The following TRIM44 variants were observed in gnomAD, a reference collection of about 807,000 sequenced individuals.
The protein encoded by TRIM44 is tripartite motif containing 44.
In TRIM44, 13 loss-of-function variants were observed where a neutral mutation model predicts 37.4. The ratio of observed to expected loss-of-function variants is 0.35; its 90% CI spans 0.23 to 0.55. TRIM44 has a LOEUF of 0.55. TRIM44 is among the 20% of genes least tolerant of loss of function. The pLI, the probability that TRIM44 is intolerant of heterozygous loss-of-function variation, is 0.89. For missense variants in TRIM44, 426 were observed against 437.2 expected (o/e 0.97, Z 0.23); for synonymous variants, 175 against 157.2 (o/e 1.11, Z -0.85).
At chr11:35,689,170 G>C (rs1299211445) in intron 2 of TRIM44, among the ~76,000 whole-genome samples, 2 of 152,174 alleles carry the variant, frequency 1.3e-5, no homozygotes, top group Admixed American at 6.5e-5. Flanking sequence ...TCGGGATTTA[G>C]GAGGATGATC....
At chr11:35,675,044 G>A (rs1350251993) in intron 1 of TRIM44, among the ~76,000 whole-genome samples, 6 of 152,168 alleles carry the variant, frequency 3.9e-5, no homozygotes, top group South Asian at 2.1e-4. Flanking sequence ...ACTAAATACT[G>A]TGTACTATGT....
chr11:35,669,617 A>G lies in TRIM44; in HGVS notation c.669+5837A>G, dbSNP rs577628904. ...CAGCCTCCTGAGTAGCTGGAACTGC[A>G]GGCGCCCACCACCATGCCCAGCTAA... On this transcript the variant is annotated intron_variant, in intron 1 of 4. Transcript: ENST00000299413. Among the ~76,000 whole-genome samples, 14 of 152,076 alleles carry G rather than the reference A, an allele frequency of 9.2e-5. No individual in the cohort carries two copies. The East Asian group carries it at 2.7e-3, about 29-fold the overall frequency.
At position 35,725,905 on chromosome 11, in the gene TRIM44, A is replaced by C; in HGVS notation, c.748-19A>C. 6.2e-7 allele frequency: 1 copy of C among 1,611,062 alleles called. No individual in the cohort carries two copies. Among genetic ancestry groups the C allele is most frequent in the Non-Finnish European group, 8.5e-7 (1 of 1,177,988 alleles). On this transcript the variant is annotated intron_variant, in intron 2 of 4. Coordinates refer to ENST00000299413, the MANE Select transcript of TRIM44 (RefSeq NM_017583.6). ...TTTGTATGTTCAACTTATTCTTCTTATTTGTCTCTGTTCTAAAGGTAACTC... is the reference window on the plus strand; with the variant it reads ...TTTGTATGTTCAACTTATTCTTCTTCTTTGTCTCTGTTCTAAAGGTAACTC...
At chr11:35,678,431 G>A (rs887886518) in intron 1 of TRIM44, among the ~76,000 whole-genome samples, 5 of 152,108 alleles carry the variant, frequency 3.3e-5, no homozygotes, top group African/African-American at 1.2e-4. Flanking sequence ...AAAAGTGATG[G>A]CCTAGTGTAG....
At chr11:35,770,602 G>A (rs563730003) in intron 4 of TRIM44, among the ~76,000 whole-genome samples, 8 of 152,038 alleles carry the variant, frequency 5.3e-5, no homozygotes, top group Non-Finnish European at 1.2e-4. Flanking sequence ...GGTGTGAGAT[G>A]GTATCTCATT....
intron 4 of TRIM44, among the ~76,000 whole-genome samples, chr11:35,754,647 C>A (rs1852605727): frequency 7.9e-6 from 1 of 127,298 alleles, no homozygotes; most frequent in Admixed American, 8.3e-5. Context: ...TAATGCTATC[C>A]CTCCCCCTCC....
intron 2 of TRIM44, among the ~76,000 whole-genome samples, chr11:35,696,891 GCAAA>G (rs1322929720): frequency 1.3e-5 from 2 of 151,476 alleles, no homozygotes; most frequent in East Asian, 3.9e-4. Flanking sequence ...TAAATAAAAG[GCAAA>G]CAAAAATGTT....
chr11:35,672,119 A>G (rs1300687386), intron 1 of TRIM44, among the ~76,000 whole-genome samples: 1 of 152,202 alleles, frequency 6.6e-6, no homozygotes, highest in Non-Finnish European at 1.5e-5. Context: ...TATGTTGAAC[A>G]ATAAAAGTGC....
chr11:35,702,630 T>C (rs1176710250), intron 2 of TRIM44, among the ~76,000 whole-genome samples: 1 of 152,226 alleles, frequency 6.6e-6, no homozygotes, highest in East Asian at 1.9e-4. Flanking sequence ...CCATGCATAT[T>C]GTAGATGGCA....
intron 4 of TRIM44, among the ~76,000 whole-genome samples, chr11:35,803,249 C>T (rs1029726758): frequency 3.3e-5 from 5 of 149,624 alleles, no homozygotes; most frequent in Admixed American, 6.7e-5. Context: ...AACGTGCTGT[C>T]TGCCTAACAC....
intron 4 of TRIM44, among the ~76,000 whole-genome samples, chr11:35,797,856 A>C (rs1330709682): frequency 6.6e-6 from 1 of 152,196 alleles, no homozygotes; most frequent in Admixed American, 6.5e-5. Context: ...AACTAAGGAA[A>C]TCTCAAAATA....
At chr11:35,782,809 G>T (rs568008159) in intron 4 of TRIM44, among the ~76,000 whole-genome samples, 1 of 152,264 alleles carries the variant, frequency 6.6e-6, no homozygotes, top group Admixed American at 6.5e-5. Flanking sequence ...CTCTTCTCCG[G>T]AGTAGAAGTT....
intron 2 of TRIM44, among the ~76,000 whole-genome samples, chr11:35,714,182 G>C (rs1373470124): frequency 6.6e-6 from 1 of 152,122 alleles, no homozygotes; most frequent in African/African-American, 2.4e-5. Flanking sequence ...GAGCTCAGTA[G>C]ATACCATATG....
At chr11:35,772,025 G>A (rs1852879847) in intron 4 of TRIM44, among the ~76,000 whole-genome samples, 1 of 152,162 alleles carries the variant, frequency 6.6e-6, no homozygotes, top group Admixed American at 6.5e-5. Context: ...TGCAGCCTAG[G>A]AACTTGGTGC....
At chr11:35,747,813 T>A (rs944215145) in intron 4 of TRIM44, among the ~76,000 whole-genome samples, 56 of 151,298 alleles carry the variant, frequency 3.7e-4, no homozygotes, top group African/African-American at 1.4e-3. Flanking sequence ...GCAGGCCAAC[T>A]GTTACCATGG....
intron 4 of TRIM44, among the ~76,000 whole-genome samples, chr11:35,755,911 T>C (rs1317075620): frequency 3.9e-5 from 6 of 152,148 alleles, no homozygotes; most frequent in Admixed American, 3.9e-4. Context: ...ACTGTAGCCT[T>C]GTAGTATAGT....
chr11:35,783,613 G>T (rs1453971591), intron 4 of TRIM44, among the ~76,000 whole-genome samples: 1 of 152,112 alleles, frequency 6.6e-6, no homozygotes, highest in Non-Finnish European at 1.5e-5. Flanking sequence ...TTAAAGTATT[G>T]CCCAGGCTCC....
At chr11:35,756,855 C>T (rs1391946878) in intron 4 of TRIM44, among the ~76,000 whole-genome samples, 1 of 152,168 alleles carries the variant, frequency 6.6e-6, no homozygotes, top group Admixed American at 6.5e-5. Context: ...AGGGATGAAG[C>T]CCACTTGATC....
At chr11:35,698,628 T>C (rs1451190818) in intron 2 of TRIM44, among the ~76,000 whole-genome samples, 1 of 32,916 alleles carries the variant, frequency 3.0e-5, no homozygotes, top group African/African-American at 3.9e-4. Context: ...GCCCACTTTT[T>C]GATGGGGTTG....
Sources: gnomAD v4.1 joint callset for allele counts (sites outside exome capture counted in the v4.1 genomes callset) on GRCh38, gnomAD v4.1.1 for gene constraint, MANE v1.5 for transcripts, NCBI Gene and HGNC (gene_info 2026-07-23, HGNC 2026-07-21) for gene names.